The following PRDM11 variants were observed in gnomAD, a reference collection of about 807,000 sequenced individuals.
The protein encoded by PRDM11 is PR domain-containing protein 11.
In PRDM11, 20 loss-of-function variants were observed where a neutral mutation model predicts 97.8. That is an observed-to-expected ratio of 0.20 (90% CI 0.14 to 0.30). PRDM11 has a LOEUF of 0.30. Ranked by LOEUF, PRDM11 falls within the 10% of genes least tolerant of loss-of-function variation. PRDM11 has a pLI of 1.00. For synonymous variants in PRDM11, 599 were observed against 637.7 expected (o/e 0.94, Z 0.91); for missense variants, 1,139 against 1,555.2 (o/e 0.73, Z 4.50).
intron 1 of PRDM11, among the ~76,000 whole-genome samples, chr11:45,180,297 C>T (rs926230018): frequency 1.3e-5 from 2 of 152,032 alleles, no homozygotes; most frequent in Non-Finnish European, 1.5e-5. Context: ...GTGGCAGGCG[C>T]CCCAGGCGGT....
chr11:45,116,846 A>G (rs1216369756), intron 1 of PRDM11, among the ~76,000 whole-genome samples: 1 of 152,174 alleles, frequency 6.6e-6, no homozygotes, highest in Non-Finnish European at 1.5e-5. Context: ...AGCTCTAGAA[A>G]GTAGGGAAAG....
chr11:45,150,295 A>G (rs947444950), intron 1 of PRDM11, among the ~76,000 whole-genome samples: 8 of 151,690 alleles, frequency 5.3e-5, no homozygotes, highest in African/African-American at 1.9e-4. Context: ...TGGCCCACCT[A>G]CCTCTCCTTT....
At chr11:45,121,661 T>TGGA (rs1432068278) in intron 1 of PRDM11, among the ~76,000 whole-genome samples, 1 of 152,132 alleles carries the variant, frequency 6.6e-6, no homozygotes, top group Non-Finnish European at 1.5e-5. Flanking sequence ...GAAGTGCTTG[T>TGGA]GGAACATTTA....
chr11:45,153,331 T>C (rs1851706904), intron 1 of PRDM11, among the ~76,000 whole-genome samples: 1 of 152,236 alleles, frequency 6.6e-6, no homozygotes, highest in Non-Finnish European at 1.5e-5. Context: ...CCAGGTTCAG[T>C]CCTGCTTCTG....
At chr11:45,126,550 AG>A (rs1434952845) in intron 1 of PRDM11, among the ~76,000 whole-genome samples, 1 of 152,058 alleles carries the variant, frequency 6.6e-6, no homozygotes, top group African/African-American at 2.4e-5. Context: ...AAAATCTCTC[AG>A]CATTTGCTTG....
At chr11:45,222,959 A>G (rs1298048655) in intron 6 of PRDM11, among the ~76,000 whole-genome samples, 2 of 152,206 alleles carry the variant, frequency 1.3e-5, no homozygotes, top group Non-Finnish European at 2.9e-5. Context: ...CCTTTTTAGC[A>G]TCTCTCACCA....
chr11:45,115,139 G>A (rs1852272701), intron 1 of PRDM11, among the ~76,000 whole-genome samples: 1 of 122,388 alleles, frequency 8.2e-6, no homozygotes, highest in Admixed American at 7.8e-5. Flanking sequence ...AATGTATATA[G>A]CATGTGTGTG....
intron 1 of PRDM11, among the ~76,000 whole-genome samples, chr11:45,102,382 A>G (rs1851992481): frequency 6.6e-6 from 1 of 152,186 alleles, no homozygotes; most frequent in Admixed American, 6.5e-5. Flanking sequence ...AGTTTCTGGA[A>G]AGCTGGCTTT....
intron 1 of PRDM11, among the ~76,000 whole-genome samples, chr11:45,120,704 G>T (rs1403497033): frequency 6.6e-6 from 1 of 151,894 alleles, no homozygotes; most frequent in Non-Finnish European, 1.5e-5. Context: ...TGTCCTTCAT[G>T]GTGAAGGAAA....
In PRDM11 at chr11:45,228,138, G is replaced by C; in HGVS notation, c.3513G>C (p.Thr1171=). 6.6e-7 allele frequency: 1 copy of C among 1,525,978 alleles called. No individual in the cohort carries two copies. The highest frequency in any genetic ancestry group is 8.8e-7 in the Non-Finnish European group (1 of 1,141,120). 94.5% of individuals were successfully genotyped at this position (1,525,978 alleles called of 1,614,324 possible). ...CACTACAGACCATGGACCACGGGAC[G>C]GAGTTTTACCCCGACATTTAGGGAG... ...KPALQTMDHG[T]EFYPDI The change falls in exon 8 of 8, where the codon ACG becomes ACC. Residue 1171 remains threonine, a synonymous_variant. Coordinates refer to ENST00000683152, the MANE Select transcript of PRDM11 (RefSeq NM_001384648.1).
intron 1 of PRDM11, among the ~76,000 whole-genome samples, chr11:45,098,009 C>G (rs1851913363): frequency 6.6e-6 from 1 of 152,110 alleles, no homozygotes; most frequent in African/African-American, 2.4e-5. Context: ...TCGTGGCTGC[C>G]CTGAAGCAAA....
intron 4 of PRDM11, among the ~76,000 whole-genome samples, chr11:45,184,527 A>T (rs1852633241): frequency 6.6e-6 from 1 of 152,138 alleles, no homozygotes; most frequent in Non-Finnish European, 1.5e-5. Context: ...TGCTTTGTGA[A>T]CTGTATCAGA....
At chr11:45,119,869 G>A (rs767896438) in intron 1 of PRDM11, among the ~76,000 whole-genome samples, 1 of 152,082 alleles carries the variant, frequency 6.6e-6, no homozygotes, top group African/African-American at 2.4e-5. Flanking sequence ...AGTAGGAGAT[G>A]AGCAAGGAAG....
intron 1 of PRDM11, among the ~76,000 whole-genome samples, chr11:45,150,386 C>G (rs1039094116): frequency 6.6e-6 from 1 of 152,166 alleles, no homozygotes; most frequent in Admixed American, 6.5e-5. Flanking sequence ...CAGACTCTAC[C>G]AGGGTTGCTT....
intron 4 of PRDM11, among the ~76,000 whole-genome samples, chr11:45,190,365 C>T: frequency 6.6e-6 from 1 of 151,944 alleles, no homozygotes; most frequent in Non-Finnish European, 1.5e-5. Context: ...CCAGGCTGGT[C>T]GCAAACTCCT....
chr11:45,145,695 T>C (rs1200935274), upstream of PRDM11, among the ~76,000 whole-genome samples: 1 of 152,154 alleles, frequency 6.6e-6, no homozygotes, highest in East Asian at 1.9e-4. Context: ...CCACAGGACT[T>C]GTAGAGGACG....
intron 4 of PRDM11, among the ~76,000 whole-genome samples, chr11:45,193,364 G>A (rs904751017): frequency 6.6e-6 from 1 of 152,172 alleles, no homozygotes; most frequent in African/African-American, 2.4e-5. Context: ...CATAATTGGG[G>A]TTGTATGGTC....
intron 1 of PRDM11, among the ~76,000 whole-genome samples, chr11:45,113,791 TGTG>T: frequency 1.7e-4 from 1 of 6,032 alleles, no homozygotes; most frequent in Non-Finnish European, 8.0e-4. Flanking sequence ...TACTGATTTG[TGTG>T]TGTGTGTGTG....
At chr11:45,147,137 T>G (rs1851533529) in intron 1 of PRDM11, among the ~76,000 whole-genome samples, 1 of 151,350 alleles carries the variant, frequency 6.6e-6, no homozygotes, top group African/African-American at 2.4e-5. Context: ...GGGGCCGCCC[T>G]CCGCCTCCTT....
Sources: allele counts gnomAD v4.1 joint callset (sites outside exome capture counted in the v4.1 genomes callset), GRCh38; gene constraint gnomAD v4.1.1; transcripts MANE v1.5; gene names NCBI Gene and HGNC (gene_info 2026-07-23, HGNC 2026-07-21).